The following KLHDC10 variants were observed in gnomAD, a reference collection of about 807,000 sequenced individuals.
KLHDC10 encodes kelch domain containing 10.
A neutral mutation model predicts 56.1 loss-of-function variants in KLHDC10; 24 were observed. The ratio of observed to expected loss-of-function variants is 0.43; its 90% CI spans 0.31 to 0.60. KLHDC10 has a LOEUF of 0.60. Among genes scored for constraint, KLHDC10 ranks in the 20% least tolerant of loss-of-function variants. KLHDC10 has a pLI of 0.11. For missense variants in KLHDC10, 349 were observed against 567.0 expected (o/e 0.62, Z 3.91); for synonymous variants, 188 against 207.1 (o/e 0.91, Z 0.79).
chr7:130,128,889 A>ATATATATATATATATATATATAT (rs1554468214), intron 8 of KLHDC10, among the ~76,000 whole-genome samples: 1 of 66,956 alleles, frequency 1.5e-5, no homozygotes, highest in African/African-American at 7.3e-5. Context: ...AAAAAAAAAA[A>ATATATATATATATATATATATAT]ATATATATAT....
intron 2 of KLHDC10, among the ~76,000 whole-genome samples, chr7:130,105,107 A>C (rs1037391688): frequency 6.6e-5 from 10 of 152,240 alleles, no homozygotes; most frequent in African/African-American, 2.4e-4. Context: ...GGCAATACCA[A>C]GTATTGGCAA....
chr7:130,102,139 G>A (rs1359879570), intron 2 of KLHDC10, among the ~76,000 whole-genome samples: 1 of 152,096 alleles, frequency 6.6e-6, no homozygotes, highest in Non-Finnish European at 1.5e-5. Flanking sequence ...TCAAAATACA[G>A]CCTGCCAATT....
intron 1 of KLHDC10, among the ~76,000 whole-genome samples, chr7:130,095,540 A>G (rs1249937641): frequency 6.6e-6 from 1 of 152,176 alleles, no homozygotes; most frequent in Admixed American, 6.5e-5. Flanking sequence ...AAAGACTTAG[A>G]CTATTAAAAG....
chr7:130,118,323 A>C (rs1239656001), intron 3 of KLHDC10, among the ~76,000 whole-genome samples: 2 of 151,992 alleles, frequency 1.3e-5, no homozygotes, highest in Non-Finnish European at 2.9e-5. Context: ...CTTTCCTGAA[A>C]CCTCTTGAAC....
intron 1 of KLHDC10, among the ~76,000 whole-genome samples, chr7:130,074,643 T>C (rs1478288655): frequency 1.3e-5 from 2 of 149,042 alleles, no homozygotes; most frequent in African/African-American, 5.0e-5. Flanking sequence ...TTTTCTGAGA[T>C]GGAGTCTTGC....
At chr7:130,085,833 CAAAAAAAAAAA>C in intron 1 of KLHDC10, among the ~76,000 whole-genome samples, 1 of 86,270 alleles carries the variant, frequency 1.2e-5, no homozygotes, top group East Asian at 3.4e-4. Flanking sequence ...GACTCTTTCT[CAAAAAAAAAAA>C]AAAAAAAAAA....
At position 130,116,734 on chromosome 7, in the gene KLHDC10, A is replaced by G. The variant is rs1418273872; in HGVS notation, c.475+68A>G. 1.3e-5 allele frequency: 16 copies of G among 1,229,116 alleles called. No individual in the cohort carries two copies. Among genetic ancestry groups the G allele is most frequent in the Non-Finnish European group, 1.9e-5 (16 of 833,576 alleles). 76.1% of individuals were successfully genotyped at this position (1,229,116 alleles called of 1,614,324 possible). A position where few individuals can be genotyped will look rare whatever the true frequency, so the allele number is the denominator to read the frequency against. ...TGAGAAGCCAGGTTCAATGTCCCAT[A>G]TTCCTCATTAATAATTTATAACACT... On this transcript the variant is annotated intron_variant, in intron 3 of 9. Transcript: ENST00000335420. This position sits in a 1 kb window ranked among gnomAD's most constrained non-coding sequence, Gnocchi z 4.8.
At chr7:130,119,721 GTAATCCC>G (rs1471099525) in intron 3 of KLHDC10, among the ~76,000 whole-genome samples, 2 of 151,658 alleles carry the variant, frequency 1.3e-5, no homozygotes, top group African/African-American at 4.8e-5. Context: ...GTGGGCACCT[GTAATCCC>G]AGCTACTAGG....
intron 2 of KLHDC10, among the ~76,000 whole-genome samples, chr7:130,103,900 C>T (rs1343227902): frequency 6.6e-6 from 1 of 151,970 alleles, no homozygotes; most frequent in Non-Finnish European, 1.5e-5. Context: ...CCAGTCTGGC[C>T]AACATGATGA....
rs180830440 is a variant in KLHDC10 at position 130,131,537 on chromosome 7, G to A, written c.*791G>A. 4 of 152,326 alleles carry A rather than the reference G, an allele frequency of 2.6e-5. No individual in the cohort carries two copies. 9.4% of individuals were successfully genotyped at this position (152,326 alleles called of 1,614,324 possible). ...AACGGAAAAACTTGTGGTGGCCAAA[G>A]TTCTTCATTCTGGCAGTTTTGAAAC... On this transcript the variant is annotated 3_prime_UTR_variant, in exon 10 of 10. Coordinates refer to ENST00000335420, the MANE Select transcript of KLHDC10 (RefSeq NM_014997.4).
At position 130,131,993 on chromosome 7, in the gene KLHDC10, A is replaced by G. The variant is rs1426857065; in HGVS notation, c.*1247A>G. The G allele has an allele frequency of 1.3e-5, 2 of 152,076 alleles. No individual in the cohort carries two copies. The highest frequency in any genetic ancestry group is 1.3e-4 in the Admixed American group (2 of 15,268). 9.4% of individuals were successfully genotyped at this position (152,076 alleles called of 1,614,324 possible). A position where few individuals can be genotyped will look rare whatever the true frequency, so the allele number is the denominator to read the frequency against. On this transcript the variant is annotated 3_prime_UTR_variant, in exon 10 of 10. Transcript: ENST00000335420. The stretch of plus-strand genomic sequence containing the variant: ...AACCAAGTATCATTTAAAAACTAGC[A>G]TGAGGAAGGAATGAAACTGAGTAGC...
chr7:130,113,083 T>A (rs1209394270), intron 2 of KLHDC10, among the ~76,000 whole-genome samples: 3 of 152,196 alleles, frequency 2.0e-5, no homozygotes, highest in African/African-American at 7.2e-5. Context: ...AAACTAATAA[T>A]TTCACATTCA....
At chr7:130,127,325 T>A in intron 7 of KLHDC10, 79 bp from the exon 8 acceptor site, 1 of 1,107,426 alleles carries the variant, frequency 9.0e-7, no homozygotes, top group East Asian at 2.4e-5. Flanking sequence ...ACACGTAGTG[T>A]GTCTTTCACT....
At chr7:130,115,864 A>G (rs1173119930) in intron 2 of KLHDC10, among the ~76,000 whole-genome samples, 2 of 152,172 alleles carry the variant, frequency 1.3e-5, no homozygotes, top group Admixed American at 6.6e-5. Context: ...GTTAACCTCC[A>G]TAATATCCGG....
Position 130,129,601 on chromosome 7 carries a change from C to T in KLHDC10, c.1119+25C>T, listed in dbSNP as rs1584642458. The T allele has an allele frequency of 3.7e-6, 6 of 1,602,608 alleles. No homozygotes were observed. The East Asian group carries it at 1.3e-4, about 36-fold the overall frequency. The stretch of plus-strand genomic sequence containing the variant: ...AGTAAGTTTTTATTTTCATATCTTC[C>T]TTATGTAGTTACAGATGATAAGGAA... On this transcript the variant is annotated intron_variant, in intron 9 of 9. Transcript: ENST00000335420.
chr7:130,114,562 T>C (rs901707544), intron 2 of KLHDC10, among the ~76,000 whole-genome samples: 5 of 152,158 alleles, frequency 3.3e-5, no homozygotes, highest in African/African-American at 4.8e-5. Flanking sequence ...GGAGCTCTTA[T>C]TTTTTCTTCC....
At chr7:130,076,107 A>T (rs1335886731) in intron 1 of KLHDC10, among the ~76,000 whole-genome samples, 1 of 152,128 alleles carries the variant, frequency 6.6e-6, no homozygotes, top group Non-Finnish European at 1.5e-5. Flanking sequence ...GTCATCAGGC[A>T]CTAGAGACTC....
intron 1 of KLHDC10, among the ~76,000 whole-genome samples, chr7:130,078,333 TA>T (rs1795545820): frequency 6.6e-6 from 1 of 151,504 alleles, no homozygotes; most frequent in Admixed American, 6.6e-5. Context: ...AAGATTGCGC[TA>T]TTGCACTTCA....
chr7:130,108,991 T>C (rs1796061888), intron 2 of KLHDC10, among the ~76,000 whole-genome samples: 1 of 152,122 alleles, frequency 6.6e-6, no homozygotes, highest in Non-Finnish European at 1.5e-5. Context: ...CTCAGCTCAC[T>C]GCAGCCTCCG....
Sources: allele counts gnomAD v4.1 joint callset (sites outside exome capture counted in the v4.1 genomes callset), GRCh38; gene constraint gnomAD v4.1.1; non-coding constraint Gnocchi (gnomAD v3.1); transcripts MANE v1.5; gene names NCBI Gene and HGNC (gene_info 2026-07-23, HGNC 2026-07-21).